Variants in MSI2 observed in about 807,000 individuals in gnomAD.
MSI2 encodes musashi RNA binding protein 2.
In MSI2, 17 loss-of-function variants were observed where a neutral mutation model predicts 45.6. The ratio of observed to expected loss-of-function variants is 0.37; its 90% confidence interval spans 0.26 to 0.56. The LOEUF (loss-of-function observed/expected upper bound fraction) is 0.56, where lower values mean the gene tolerates loss of function less well. Among genes scored for constraint, MSI2 ranks in the 20% least tolerant of loss-of-function variants. The probability of loss-of-function intolerance (pLI) is 0.77; values close to 1 mark genes in which losing one functional copy is unlikely to be tolerated. For synonymous variants in MSI2, 156 were observed against 158.2 expected, an observed-to-expected ratio of 0.99 and a Z score of 0.11; for missense variants, 293 against 444.2, an observed-to-expected ratio of 0.66 and a Z score of 3.06.
intron 6 of MSI2, among the ~76,000 whole-genome samples, chr17:57,487,820 A>G (rs1467290030): frequency 6.6e-6 from 1 of 151,340 alleles, no homozygotes; most frequent in Non-Finnish European, 1.5e-5. Flanking sequence ...CAGCCAACAG[A>G]CATCTGCACG....
At chr17:57,471,649 C>T (rs1332925461) in intron 6 of MSI2, among the ~76,000 whole-genome samples, 3 of 152,150 alleles carry the variant, frequency 2.0e-5, no homozygotes, top group East Asian at 1.9e-4. Flanking sequence ...ATGAAGAAGT[C>T]GAGCCAGAGA....
At chr17:57,365,866 C>T (rs1222892648) in intron 5 of MSI2, among the ~76,000 whole-genome samples, 2 of 152,160 alleles carry the variant, frequency 1.3e-5, no homozygotes, top group East Asian at 3.9e-4. Flanking sequence ...TCAGTATCTT[C>T]TACAGATTGT....
chr17:57,493,337 C>G (rs2085913926), intron 6 of MSI2, among the ~76,000 whole-genome samples: 1 of 152,104 alleles, frequency 6.6e-6, no homozygotes, highest in African/African-American at 2.4e-5. Flanking sequence ...CTGATAAAAT[C>G]TGGTTGCATA....
At position 57,684,448 on chromosome 17, in the gene MSI2, A is replaced by T. The variant is rs1913806279; in HGVS notation, c.*4931A>T. On this transcript the variant is annotated 3_prime_UTR_variant, in exon 14 of 14. Coordinates refer to ENST00000284073, the MANE Select transcript of MSI2 (RefSeq NM_138962.4). Reference sequence around the variant, plus strand: ...TTATATATATACATATATATGTACTATCTATATATATATCTCAAGCATCTT... The same window carrying T: ...TTATATATATACATATATATGTACTTTCTATATATATATCTCAAGCATCTT... 1 of 170,274 alleles carries T rather than the reference A, an allele frequency of 5.9e-6. No homozygotes were observed. 10.5% of individuals were successfully genotyped at this position (170,274 alleles called of 1,614,324 possible).
intron 6 of MSI2, among the ~76,000 whole-genome samples, chr17:57,489,594 C>T (rs1442675155): frequency 1.3e-5 from 2 of 152,254 alleles, no homozygotes; most frequent in African/African-American, 4.8e-5. Flanking sequence ...TTCCCAGAAC[C>T]TCTGTGGGTT....
At chr17:57,399,648 TG>T (rs895774310) in intron 5 of MSI2, among the ~76,000 whole-genome samples, 8 of 152,150 alleles carry the variant, frequency 5.3e-5, no homozygotes, top group African/African-American at 1.7e-4. Flanking sequence ...ATGTGTCTTC[TG>T]TGGGAGCTAC....
intron 10 of MSI2, among the ~76,000 whole-genome samples, chr17:57,647,822 A>G (rs1910799755): frequency 6.6e-6 from 1 of 151,646 alleles, no homozygotes; most frequent in Non-Finnish European, 1.5e-5. Context: ...TTGTATTTTT[A>G]GTAGAGACAG....
In MSI2 at chr17:57,256,763, A is replaced by C. The variant is rs1906760045; in HGVS notation, c.21A>C (p.Gln7His). 6 of 1,474,722 alleles carry C rather than the reference A, an allele frequency of 4.1e-6. No individual in the cohort carries two copies. The highest frequency in any genetic ancestry group is 4.5e-6 in the Non-Finnish European group (5 of 1,114,366). The allele number at this position is 1,474,722 out of a possible 1,614,324, so 91.4% of individuals were successfully genotyped here. Reference sequence around the variant, plus strand: ...CAGATATGGAGGCAAATGGGAGCCAAGGCACCTCGGGCAGCGCCAACGACT... The same window carrying C: ...CAGATATGGAGGCAAATGGGAGCCACGGCACCTCGGGCAGCGCCAACGACT... Reference protein sequence around the residue: MEANGSQGTSGSANDSQ... With the variant: MEANGSHGTSGSANDSQ... The change falls in exon 1 of 14, where the codon CAA (glutamine) becomes CAC (histidine). Residue 7 changes from glutamine to histidine, a missense_variant. Transcript: ENST00000284073.
chr17:57,308,007 C>G (rs1912060408), intron 5 of MSI2, among the ~76,000 whole-genome samples: 1 of 152,192 alleles, frequency 6.6e-6, no homozygotes, highest in African/African-American at 2.4e-5. Context: ...TCAGTCAATG[C>G]ATGAAGAATG....
chr17:57,410,733 T>C (rs2084181111), intron 6 of MSI2, among the ~76,000 whole-genome samples: 1 of 152,050 alleles, frequency 6.6e-6, no homozygotes, highest in African/African-American at 2.4e-5. Flanking sequence ...TCGCTAACCA[T>C]CTTTTATAAT....
intron 5 of MSI2, among the ~76,000 whole-genome samples, chr17:57,319,652 G>A (rs1913163915): frequency 6.6e-6 from 1 of 152,094 alleles, no homozygotes; most frequent in African/African-American, 2.4e-5. Context: ...TCACTCTGTT[G>A]CCCAGGCTGG....
intron 5 of MSI2, among the ~76,000 whole-genome samples, chr17:57,391,568 A>G (rs2083791195): frequency 6.6e-6 from 1 of 152,130 alleles, no homozygotes; most frequent in African/African-American, 2.4e-5. Context: ...CCATCGTGCC[A>G]CCATTTCTAG....
intron 6 of MSI2, among the ~76,000 whole-genome samples, chr17:57,431,584 G>C (rs2084595038): frequency 6.6e-6 from 1 of 152,160 alleles, no homozygotes; most frequent in Non-Finnish European, 1.5e-5. Context: ...TTGGAATGAG[G>C]ATCTCTTTGA....
At chr17:57,369,566 A>G (rs2083391264) in intron 5 of MSI2, among the ~76,000 whole-genome samples, 1 of 152,232 alleles carries the variant, frequency 6.6e-6, no homozygotes, top group Non-Finnish European at 1.5e-5. Flanking sequence ...ACACTTTCTC[A>G]GCTGCTCTTG....
At chr17:57,442,356 C>G (rs950397710) in intron 6 of MSI2, among the ~76,000 whole-genome samples, 3 of 152,152 alleles carry the variant, frequency 2.0e-5, no homozygotes, top group African/African-American at 7.2e-5. Context: ...TTTTTATAAA[C>G]CTTCTAGAGA....
chr17:57,661,611 T>A (rs528919966), intron 11 of MSI2, among the ~76,000 whole-genome samples: 2 of 151,912 alleles, frequency 1.3e-5, no homozygotes, highest in Non-Finnish European at 2.9e-5. Context: ...GAGCAAGGGG[T>A]GTGGAGTGAG....
intron 6 of MSI2, among the ~76,000 whole-genome samples, chr17:57,428,553 T>C (rs894620): frequency 0.92 from 139,859 of 152,206 alleles, 64,702 homozygotes; most frequent in Non-Finnish European, 0.97. Context: ...TATAGGTGTG[T>C]GCCACTGCTT....
At chr17:57,284,076 A>T (rs1250430877) in intron 5 of MSI2, among the ~76,000 whole-genome samples, 1 of 152,224 alleles carries the variant, frequency 6.6e-6, no homozygotes, top group Non-Finnish European at 1.5e-5. Context: ...CTGGATCGAC[A>T]CAGCCCCAGA....
chr17:57,657,501 G>A (rs1417808867), intron 11 of MSI2, among the ~76,000 whole-genome samples: 1 of 152,198 alleles, frequency 6.6e-6, no homozygotes, highest in African/African-American at 2.4e-5. Context: ...TAGGAAAATG[G>A]CTTTGCTGCC....
Sources: allele counts gnomAD v4.1 joint callset (sites outside exome capture counted in the v4.1 genomes callset), GRCh38; gene constraint gnomAD v4.1.1; transcripts MANE v1.5; gene names NCBI Gene and HGNC (gene_info 2026-07-23, HGNC 2026-07-21).